VPS37A: variants seen among roughly 807,000 people sequenced by gnomAD.
The protein encoded by VPS37A is VPS37A subunit of ESCRT-I, also known as vacuolar protein sorting-associated protein 37A.
Under a neutral mutation model 49.8 loss-of-function variants are expected in VPS37A, and 30 were observed. The observed-to-expected ratio is 0.60, with a 90% confidence interval of 0.45 to 0.82. The LOEUF (loss-of-function observed/expected upper bound fraction) is 0.82, where lower values mean the gene tolerates loss of function less well. Ranked by LOEUF, VPS37A falls within the 40% of genes least tolerant of loss-of-function variation. The pLI, the probability that VPS37A is intolerant of heterozygous loss-of-function variation, is 0.00. For missense variants in VPS37A, 593 were observed against 464.4 expected, an observed-to-expected ratio of 1.28 and a Z score of -2.55; for synonymous variants, 195 against 160.6, an observed-to-expected ratio of 1.21 and a Z score of -1.62.
chr8:17,290,187 T>C (rs1816005759), intron 11 of VPS37A, among the ~76,000 whole-genome samples: 1 of 152,218 alleles, frequency 6.6e-6, no homozygotes. Context: ...TGAATACCTT[T>C]ATTTCTTTTT....
chr8:17,267,600 T>C (rs1355711114), intron 2 of VPS37A, among the ~76,000 whole-genome samples: 1 of 152,128 alleles, frequency 6.6e-6, no homozygotes, highest in Non-Finnish European at 1.5e-5. Context: ...TGATGACAGC[T>C]ACATTGTTTC....
chr8:17,287,994 C>A (rs1815768957), intron 11 of VPS37A, among the ~76,000 whole-genome samples: 1 of 152,132 alleles, frequency 6.6e-6, no homozygotes, highest in African/African-American at 2.4e-5. Context: ...GTCCAGTAAA[C>A]TATTTCTGCT....
At chr8:17,263,169 T>C (rs1813121352) in intron 1 of VPS37A, among the ~76,000 whole-genome samples, 1 of 152,260 alleles carries the variant, frequency 6.6e-6, no homozygotes, top group Middle Eastern at 3.4e-3. Context: ...TGTAATTATA[T>C]TTTTATTTTA....
At chr8:17,259,266 T>C (rs1263465259) in intron 1 of VPS37A, among the ~76,000 whole-genome samples, 1 of 152,138 alleles carries the variant, frequency 6.6e-6, no homozygotes, top group Non-Finnish European at 1.5e-5. Flanking sequence ...GATTTTGGTG[T>C]GTTCTATTTC....
Position 17,247,146 on chromosome 8 carries a change from C to T in VPS37A, c.-99C>T. 10 of 1,510,184 alleles carry T rather than the reference C, an allele frequency of 6.6e-6. No individual in the cohort carries two copies. Among genetic ancestry groups the T allele is most frequent in the Non-Finnish European group, 8.9e-6 (10 of 1,119,412 alleles). 93.5% of individuals were successfully genotyped at this position (1,510,184 alleles called of 1,614,324 possible). ...TCCCCAGCGCTTGGGCCACGGACGTCCCACCCCGCTCCTCTGTCGCTGGAG... is the reference window on the plus strand; with the variant it reads ...TCCCCAGCGCTTGGGCCACGGACGTTCCACCCCGCTCCTCTGTCGCTGGAG... On this transcript the variant is annotated 5_prime_UTR_variant, in exon 1 of 12. Coordinates refer to ENST00000324849, the MANE Select transcript of VPS37A (RefSeq NM_152415.3).
At chr8:17,300,091 T>C (rs1295477012), downstream of VPS37A, 7 of 1,614,074 alleles carry the variant, frequency 4.3e-6, no homozygotes, top group Non-Finnish European at 5.9e-6. Context: ...TGATTTCATA[T>C]TCCCACTGTA....
intron 4 of VPS37A, among the ~76,000 whole-genome samples, chr8:17,270,578 T>C (rs1813882172): frequency 6.6e-6 from 1 of 152,172 alleles, no homozygotes; most frequent in South Asian, 2.1e-4. Flanking sequence ...CAGCATCATT[T>C]CTGCTGCATT....
the VPS37A span, chr8:17,313,437 G>T: frequency 7.5e-7 from 1 of 1,330,172 alleles, no homozygotes; most frequent in Non-Finnish European, 1.1e-6. Flanking sequence ...GCAAAATTAA[G>T]GTACTCTCTC....
the VPS37A span, among the ~76,000 whole-genome samples, chr8:17,314,920 C>CT: frequency 6.6e-6 from 1 of 152,122 alleles, no homozygotes; most frequent in Non-Finnish European, 1.5e-5. Context: ...CAGGAAGACA[C>CT]TATGTGTCTG....
intron 9 of VPS37A, among the ~76,000 whole-genome samples, chr8:17,280,837 T>C (rs1248188900): frequency 1.3e-5 from 2 of 151,942 alleles, no homozygotes; most frequent in Non-Finnish European, 2.9e-5. Flanking sequence ...ATATATAGTA[T>C]TATCTGCTAC....
In VPS37A at chr8:17,274,775, G is replaced by C. The variant is rs76266589; in HGVS notation, c.459G>C (p.Gln153His). 6 of 1,613,932 alleles carry C rather than the reference G, an allele frequency of 3.7e-6. No homozygotes were observed. Among genetic ancestry groups the C allele is most frequent in the African/African-American group, 1.3e-5 (1 of 74,878 alleles). ...GTGGGATGTCTCCTTATGCTTCTCA[G>C]GGTTTTCCATTTCTTCCTCCATATC... Reference protein sequence around the residue: ...NPSGMSPYASQGFPFLPPYPP... With the variant: ...NPSGMSPYASHGFPFLPPYPP... The change falls in exon 5 of 12, where the codon CAG becomes CAC. Residue 153 changes from glutamine (Q) to histidine (H), a missense_variant. Coordinates refer to ENST00000324849, the MANE Select transcript of VPS37A (RefSeq NM_152415.3).
the VPS37A span, chr8:17,311,410 T>C: frequency 5.3e-6 from 8 of 1,497,968 alleles, no homozygotes; most frequent in Non-Finnish European, 5.5e-6. Context: ...AAAAGAAAAA[T>C]AATGCTGGCA....
chr8:17,316,895 T>C, the VPS37A span, among the ~76,000 whole-genome samples: 6 of 152,242 alleles, frequency 3.9e-5, no homozygotes, highest in South Asian at 4.2e-4. Flanking sequence ...CAATTCTCCT[T>C]GGATACTGAG....
At chr8:17,257,480 G>A (rs996336326) in intron 1 of VPS37A, among the ~76,000 whole-genome samples, 18 of 152,214 alleles carry the variant, frequency 1.2e-4, no homozygotes, top group African/African-American at 3.9e-4. Flanking sequence ...ATCACACACC[G>A]GGGCCTGTCA....
intron 11 of VPS37A, among the ~76,000 whole-genome samples, chr8:17,287,161 T>C (rs962709333): frequency 2.0e-5 from 3 of 152,170 alleles, no homozygotes; most frequent in African/African-American, 7.2e-5. Context: ...TGTTTTGTTT[T>C]AGGAATGATT....
the VPS37A span, among the ~76,000 whole-genome samples, chr8:17,310,786 C>T: frequency 6.6e-6 from 1 of 152,164 alleles, no homozygotes; most frequent in Non-Finnish European, 1.5e-5. Flanking sequence ...ACTCCTTTGT[C>T]AGCATCTTGT....
intron 6 of VPS37A, among the ~76,000 whole-genome samples, chr8:17,276,941 T>A (rs985846718): frequency 1.3e-5 from 2 of 152,098 alleles, no homozygotes; most frequent in African/African-American, 4.8e-5. Context: ...AAGGTGCCAT[T>A]TTTCATGGAA....
At chr8:17,252,624 G>A (rs1812081882) in intron 1 of VPS37A, among the ~76,000 whole-genome samples, 2 of 152,130 alleles carry the variant, frequency 1.3e-5, no homozygotes, top group African/African-American at 4.8e-5. Flanking sequence ...TTTCCACATA[G>A]CAACATTTGC....
chr8:17,328,684 T>C, the VPS37A span, among the ~76,000 whole-genome samples: 5 of 152,124 alleles, frequency 3.3e-5, no homozygotes, highest in African/African-American at 1.2e-4. Flanking sequence ...TTCACTTATG[T>C]ACATCCTGCA....
Sources: allele counts gnomAD v4.1 joint callset (sites outside exome capture counted in the v4.1 genomes callset), GRCh38; gene constraint gnomAD v4.1.1; transcripts MANE v1.5; gene names NCBI Gene and HGNC (gene_info 2026-07-23, HGNC 2026-07-21).